Variants in MEGF6 observed in about 807,000 individuals in gnomAD.
MEGF6 encodes multiple EGF like domains 6, also known as multiple epidermal growth factor-like domains protein 6.
Under a neutral mutation model 207.1 loss-of-function variants are expected in MEGF6, and 184 were observed. That is an observed-to-expected ratio of 0.89 (90% CI 0.79 to 1.00). The LOEUF is 1.00. MEGF6 is among the 50% of genes least tolerant of loss of function. The pLI, the probability that MEGF6 is intolerant of heterozygous loss-of-function variation, is 0.00. For missense variants in MEGF6, 2,282 were observed against 2,202.9 expected (o/e 1.04, Z -0.72); for synonymous variants, 1,038 against 910.0 (o/e 1.14, Z -2.53).
At chr1:3,604,862 G>A (rs1215272030) in intron 1 of MEGF6, among the ~76,000 whole-genome samples, 1 of 152,034 alleles carries the variant, frequency 6.6e-6, no homozygotes, top group African/African-American at 2.4e-5. Flanking sequence ...AGGGACAGAG[G>A]GTCACGTCTC....
At position 3,545,958 on chromosome 1, in the gene MEGF6, C is replaced by T. The variant is rs190000836; in HGVS notation, c.482-21712G>A. On this transcript the variant is annotated intron_variant, in intron 4 of 36. Coordinates refer to ENST00000356575, the MANE Select transcript of MEGF6 (RefSeq NM_001409.4). ...AGGCTGGCCCCTGCCCCCCTCCAAA[C>T]GGCTCGCAGCTGGACAGCTGGAGAC... Among the ~76,000 whole-genome samples the T allele has an allele frequency of 6.5e-4, 98 of 150,858 alleles. 1 individual carries two copies. The highest frequency in any genetic ancestry group is 3.4e-3 in the Middle Eastern group (1 of 294).
the MEGF6 span, among the ~76,000 whole-genome samples, chr1:3,617,672 A>G: frequency 4.6e-5 from 7 of 152,226 alleles, no homozygotes; most frequent in Non-Finnish European, 7.3e-5. Flanking sequence ...TGGGAAAGAA[A>G]AAAAGGTGTT....
chr1:3,535,792 C>T (rs1323338813), intron 4 of MEGF6, among the ~76,000 whole-genome samples: 1 of 152,198 alleles, frequency 6.6e-6, no homozygotes, highest in South Asian at 2.1e-4. Context: ...AAGTGCGGCC[C>T]AGGGGAACCA....
chr1:3,608,795 C>G (rs1190998196), intron 1 of MEGF6, among the ~76,000 whole-genome samples: 2 of 152,194 alleles, frequency 1.3e-5, no homozygotes, highest in African/African-American at 4.8e-5. Context: ...AGCCAGCAGC[C>G]TAGGCCTCCT....
intron 4 of MEGF6, among the ~76,000 whole-genome samples, chr1:3,558,012 G>A (rs764841339): frequency 2.6e-5 from 4 of 152,158 alleles, no homozygotes; most frequent in East Asian, 1.9e-4. Flanking sequence ...ATGCTTCCGC[G>A]GTGCAGCTGG....
intron 2 of MEGF6, 115 bp downstream of exon 2, chr1:3,602,351 C>A: frequency 2.1e-6 from 3 of 1,448,846 alleles, no homozygotes; most frequent in Non-Finnish European, 2.8e-6. Context: ...GCAGGGGTTG[C>A]GTGTGGCCCT....
Position 3,499,745 on chromosome 1 carries a change from G to A in MEGF6, c.2837-29C>T, listed in dbSNP as rs180682787. ...CAGACAGCGGGCAGTGATGTGGAGG[G>A]GCCCACACTGGAGGCCACCCAGCCT... On this transcript the variant is annotated intron_variant, in intron 22 of 36. Transcript: ENST00000356575. 2.5e-4 allele frequency: 398 copies of A among 1,596,162 alleles called. 7 individuals are homozygous for A. In the East Asian group the frequency reaches 6.8e-3, roughly 27 times the overall value.
Position 3,494,607 on chromosome 1 carries a change from A to G in MEGF6, c.4000+6T>C. ...TGCTGGGGTCCCGCTGGCCCCGCAC[A>G]CTCACCCAGCTCGCAGTGCCGCCCC... On this transcript the variant is annotated splice_donor_region_variant and intron_variant, in intron 31 of 36. Transcript: ENST00000356575. 1 of 1,562,608 alleles carries G rather than the reference A, an allele frequency of 6.4e-7. No individual in the cohort carries two copies. Among genetic ancestry groups the G allele is most frequent in the Non-Finnish European group, 8.6e-7 (1 of 1,156,324 alleles).
chr1:3,496,959 G>A (rs1640633002), intron 28 of MEGF6, 29 bp downstream of exon 28: 1 of 1,545,810 alleles, frequency 6.5e-7, no homozygotes. Context: ...GCACTGCCGA[G>A]TCCCTGGGTG....
At position 3,560,274 on chromosome 1, in the gene MEGF6, G is replaced by A. The variant is rs1022093804; in HGVS notation, c.481+19551C>T. Among the ~76,000 whole-genome samples, 9 of 152,112 alleles carry A rather than the reference G, an allele frequency of 5.9e-5. No individual in the cohort carries two copies. The highest frequency in any genetic ancestry group is 1.9e-4 in the East Asian group (1 of 5,202). ...CATTCAATCCTCCATTGGAATGACC[G>A]CTTGGTACAGCGGACGAGCCCACGT... On this transcript the variant is annotated intron_variant, in intron 4 of 36. Transcript: ENST00000356575. This position sits in a 1 kb window ranked among gnomAD's most constrained non-coding sequence, Gnocchi z 4.0.
At chr1:3,503,503 C>G (rs1467375718) in intron 17 of MEGF6, among the ~76,000 whole-genome samples, 1 of 152,064 alleles carries the variant, frequency 6.6e-6, no homozygotes, top group Non-Finnish European at 1.5e-5. Flanking sequence ...GGGGAGGAGC[C>G]TTCCTCCTCT....
At chr1:3,501,433 G>A (rs779868665) in intron 18 of MEGF6, 125 bp from the exon 19 acceptor site, 11 of 1,380,538 alleles carry the variant, frequency 8.0e-6, no homozygotes, top group Non-Finnish European at 1.1e-5. Flanking sequence ...ATCTCAGCCT[G>A]CCCCGGGGAG....
intron 5 of MEGF6, among the ~76,000 whole-genome samples, chr1:3,522,762 G>A (rs992749251): frequency 6.6e-6 from 1 of 152,148 alleles, no homozygotes; most frequent in Non-Finnish European, 1.5e-5. Context: ...GAGGCCAGGA[G>A]AGGCCCCACT....
chr1:3,572,857 G>C (rs1383101469), intron 4 of MEGF6, among the ~76,000 whole-genome samples: 10 of 136,086 alleles, frequency 7.3e-5, no homozygotes, highest in Non-Finnish European at 1.6e-4. Context: ...TCCTGGGTGT[G>C]CTGGGTTCTC....
chr1:3,613,488 G>C (rs1428243521), upstream of MEGF6, among the ~76,000 whole-genome samples: 1 of 152,200 alleles, frequency 6.6e-6, no homozygotes, highest in African/African-American at 2.4e-5. Context: ...TCAAGTGAAT[G>C]AATTAACACC....
intron 7 of MEGF6, 134 bp downstream of exon 7, chr1:3,514,416 C>G: frequency 8.5e-7 from 1 of 1,176,536 alleles, no homozygotes; most frequent in Non-Finnish European, 1.1e-6. Context: ...CATCCCAGGT[C>G]ACCCAAGGGG....
At chr1:3,622,406 A>G in the MEGF6 span, among the ~76,000 whole-genome samples, 5 of 152,192 alleles carry the variant, frequency 3.3e-5, no homozygotes, top group African/African-American at 1.2e-4. Flanking sequence ...CTCCCCAGTC[A>G]TGTGTAACTG....
intron 3 of MEGF6, among the ~76,000 whole-genome samples, chr1:3,583,832 G>GCGCAGCCACCAGACAACC: frequency 2.3e-4 from 1 of 4,276 alleles, no homozygotes; most frequent in Non-Finnish European, 4.9e-4. Flanking sequence ...ACCAGACAAC[G>GCGCAGCCACCAGACAACC]CGCAGCCACC....
intron 1 of MEGF6, among the ~76,000 whole-genome samples, chr1:3,610,456 G>C (rs894103672): frequency 2.6e-5 from 4 of 152,034 alleles, no homozygotes; most frequent in African/African-American, 9.7e-5. Flanking sequence ...AGTGCTGGGT[G>C]GGGGCGCCAG....
Sources: gnomAD v4.1 joint callset for allele counts (sites outside exome capture counted in the v4.1 genomes callset) on GRCh38, gnomAD v4.1.1 for gene constraint, Gnocchi (gnomAD v3.1) non-coding constraint, MANE v1.5 for transcripts, NCBI Gene and HGNC (gene_info 2026-07-23, HGNC 2026-07-21) for gene names.